THEMIS: variants seen among roughly 807,000 people sequenced by gnomAD.
THEMIS encodes thymocyte selection associated, also known as protein THEMIS.
THEMIS carries 37 observed loss-of-function variants against 52.6 expected under a neutral mutation model. That is an observed-to-expected ratio of 0.70 (90% confidence interval 0.54 to 0.93). THEMIS has a LOEUF of 0.93. THEMIS is among the 40% of genes least tolerant of loss of function. The pLI is 0.00. For synonymous variants in THEMIS, 292 were observed against 272.7 expected (o/e 1.07, Z -0.70); for missense variants, 808 against 763.1 (o/e 1.06, Z -0.69).
the THEMIS span, among the ~76,000 whole-genome samples, chr6:127,701,670 G>A: frequency 1.3e-5 from 2 of 152,096 alleles, no homozygotes; most frequent in African/African-American, 4.8e-5. Context: ...ATATGTGAGA[G>A]TTCTGGCTGC....
intron 1 of THEMIS, among the ~76,000 whole-genome samples, chr6:127,884,743 A>C (rs779308687): frequency 2.6e-5 from 4 of 152,162 alleles, no homozygotes; most frequent in Non-Finnish European, 4.4e-5. Flanking sequence ...AGTTTAAATA[A>C]TAGGAATTTA....
At chr6:127,711,243 T>G (rs1490897365) in intron 5 of THEMIS, among the ~76,000 whole-genome samples, 1 of 151,904 alleles carries the variant, frequency 6.6e-6, no homozygotes, top group Non-Finnish European at 1.5e-5. Flanking sequence ...GTTGCAAAGA[T>G]AGAATATGTC....
intron 2 of THEMIS, among the ~76,000 whole-genome samples, chr6:127,835,221 G>C (rs1487443721): frequency 6.6e-6 from 1 of 152,082 alleles, no homozygotes; most frequent in African/African-American, 2.4e-5. Context: ...CCTAGCCCTA[G>C]GTGATTTTAG....
Position 127,730,321 on chromosome 6 carries a change from A to AAGAAAAGAAAAGAAAAG in THEMIS, c.1759-10499_1759-10498insCTTTTCTTTTCTTTTCT, listed in dbSNP as rs1307352446. Among the ~76,000 whole-genome samples, 62 of 61,590 alleles carry AAGAAAAGAAAAGAAAAG rather than the reference A, an allele frequency of 1.0e-3. 2 individuals are homozygous for AAGAAAAGAAAAGAAAAG. The highest frequency in any genetic ancestry group is 1.8e-3 in the Non-Finnish European group (34 of 18,830). The allele number at this position is 61,590 out of a possible 152,430, so 40.4% of individuals were successfully genotyped here. A position where few individuals can be genotyped will look rare whatever the true frequency, so the allele number is the denominator to read the frequency against. On this transcript the variant is annotated intron_variant, in intron 4 of 5. Coordinates refer to ENST00000368248, the MANE Select transcript of THEMIS (RefSeq NM_001010923.3). The stretch of plus-strand genomic sequence containing the variant: ...GAAAAGAAAAGAAAAGAAAAGAGAA[A>AAGAAAAGAAAAGAAAAG]AAAAGAAAAGAAAAGAAAAGAAGAG...
chr6:127,739,556 G>A (rs1775125303), intron 4 of THEMIS, among the ~76,000 whole-genome samples: 1 of 152,150 alleles, frequency 6.6e-6, no homozygotes, highest in South Asian at 2.1e-4. Context: ...CAGGAGAATG[G>A]TGTGAACCCG....
intron 3 of THEMIS, among the ~76,000 whole-genome samples, chr6:127,824,238 G>T (rs1778430922): frequency 6.6e-6 from 1 of 152,120 alleles, no homozygotes; most frequent in African/African-American, 2.4e-5. Context: ...TGAGCAGGAG[G>T]GAAGCGTGGA....
chr6:127,842,770 C>T (rs774848931), intron 2 of THEMIS, among the ~76,000 whole-genome samples: 15 of 151,874 alleles, frequency 9.9e-5, no homozygotes, highest in Non-Finnish European at 1.6e-4. Flanking sequence ...GTTGGCAGTT[C>T]GCCAGCAACC....
chr6:127,829,755 T>A lies in THEMIS; in HGVS notation c.430A>T (p.Ile144Phe). The A allele has an allele frequency of 6.2e-7, 1 of 1,614,114 alleles. No homozygotes were observed. The highest frequency in any genetic ancestry group is 8.5e-7 in the Non-Finnish European group (1 of 1,180,010). The change falls in exon 3 of 6, where the codon ATT (isoleucine) becomes TTT (phenylalanine). Residue 144 changes from isoleucine (I) to phenylalanine (F), a missense_variant. Coordinates refer to ENST00000368248, the MANE Select transcript of THEMIS (RefSeq NM_001010923.3). ...CAGCTCACCATTATTTCTCCATCAA[T>A]CTCTTCAACTGAGTTGAGCATGATT... ...EQIMLNSVEE[I>F]DGEIMVSCAV...
chr6:127,907,413 C>A (rs569129589), intron 1 of THEMIS, among the ~76,000 whole-genome samples: 1 of 126,324 alleles, frequency 7.9e-6, no homozygotes, highest in South Asian at 2.6e-4. Context: ...TGACACCTGG[C>A]AGCTCAAGAT....
chr6:127,880,070 T>C (rs183464013), intron 1 of THEMIS, among the ~76,000 whole-genome samples: 15 of 152,306 alleles, frequency 9.8e-5, no homozygotes, highest in Admixed American at 3.9e-4. Context: ...TCTATTATTA[T>C]CCTCTAATTA....
At chr6:127,895,633 A>G (rs368265859) in intron 1 of THEMIS, among the ~76,000 whole-genome samples, 1 of 151,544 alleles carries the variant, frequency 6.6e-6, no homozygotes, top group East Asian at 1.9e-4. Context: ...GTGATAAATT[A>G]TGTAGAAGAT....
downstream of THEMIS, among the ~76,000 whole-genome samples, chr6:127,706,319 C>G (rs1038156462): frequency 1.3e-5 from 2 of 152,138 alleles, no homozygotes; most frequent in African/African-American, 2.4e-5. Flanking sequence ...ATCACAACAA[C>G]TCTACAATGT....
chr6:127,768,048 C>T lies in THEMIS; in HGVS notation c.1758+44835G>A, dbSNP rs566917275. On this transcript the variant is annotated intron_variant, in intron 4 of 5. Coordinates refer to ENST00000368248, the MANE Select transcript of THEMIS (RefSeq NM_001010923.3). ...AGTTATTAATGATTTATGATAGAGGCCCTCCAAAATATTCATTAATACATC... is the reference window on the plus strand; with the variant it reads ...AGTTATTAATGATTTATGATAGAGGTCCTCCAAAATATTCATTAATACATC... Among the ~76,000 whole-genome samples, 10 of 152,132 alleles carry T rather than the reference C, an allele frequency of 6.6e-5. No individual in the cohort carries two copies. In the East Asian group the frequency reaches 1.4e-3, roughly 21 times the overall value.
At chr6:127,810,167 G>A (rs1469123982) in intron 4 of THEMIS, among the ~76,000 whole-genome samples, 1 of 151,948 alleles carries the variant, frequency 6.6e-6, no homozygotes, top group Non-Finnish European at 1.5e-5. Context: ...TTCATTTAAT[G>A]CCTGGCAAAG....
intron 4 of THEMIS, among the ~76,000 whole-genome samples, chr6:127,808,830 C>A (rs574411804): frequency 2.6e-5 from 4 of 152,198 alleles, no homozygotes; most frequent in African/African-American, 9.6e-5. Context: ...GAAAACAATT[C>A]TTTCTATTTC....
chr6:127,769,841 C>A (rs991351531), intron 4 of THEMIS, among the ~76,000 whole-genome samples: 1 of 152,120 alleles, frequency 6.6e-6, no homozygotes, highest in Non-Finnish European at 1.5e-5. Flanking sequence ...TCTCACTGTT[C>A]ATTTCCCACC....
chr6:127,707,038 A>T (rs2114437929), downstream of THEMIS, among the ~76,000 whole-genome samples: 1 of 152,238 alleles, frequency 6.6e-6, no homozygotes, highest in Non-Finnish European at 1.5e-5. Flanking sequence ...GGGGAAGCAA[A>T]CACGTCCTTC....
intron 4 of THEMIS, among the ~76,000 whole-genome samples, chr6:127,777,043 T>A (rs1443285470): frequency 2.0e-5 from 3 of 152,066 alleles, no homozygotes; most frequent in African/African-American, 7.2e-5. Context: ...TTCTGCATTT[T>A]TATATTTACA....
chr6:127,723,329 G>T (rs147726380), intron 4 of THEMIS, among the ~76,000 whole-genome samples: 1 of 151,940 alleles, frequency 6.6e-6, no homozygotes, highest in Non-Finnish European at 1.5e-5. Context: ...TGACATGTCT[G>T]GTCACCTCCT....
Sources: allele counts gnomAD v4.1 joint callset (sites outside exome capture counted in the v4.1 genomes callset), GRCh38; gene constraint gnomAD v4.1.1; transcripts MANE v1.5; gene names NCBI Gene and HGNC (gene_info 2026-07-23, HGNC 2026-07-21).